CCSER1: variants seen among roughly 807,000 people sequenced by gnomAD.
CCSER1 encodes the protein serine-rich coiled-coil domain-containing protein 1.
In CCSER1, 41 loss-of-function variants were observed where a neutral mutation model predicts 82.0. That is an observed-to-expected ratio of 0.50 (90% CI 0.39 to 0.65). CCSER1 has a LOEUF of 0.65. Among genes scored for constraint, CCSER1 ranks in the 30% least tolerant of loss-of-function variants. The probability of loss-of-function intolerance (pLI) is 0.00; values close to 1 mark genes in which losing one functional copy is unlikely to be tolerated. For missense variants in CCSER1, 1,119 were observed against 1,064.2 expected (o/e 1.05, Z -0.72); for synonymous variants, 414 against 383.9 (o/e 1.08, Z -0.92).
intron 5 of CCSER1, among the ~76,000 whole-genome samples, chr4:90,473,066 C>T (rs1764608438): frequency 6.6e-6 from 1 of 152,110 alleles, no homozygotes; most frequent in Non-Finnish European, 1.5e-5. Flanking sequence ...AACCAAGTAT[C>T]CAGCTACACT....
chr4:90,291,631 A>G (rs888347450), intron 1 of CCSER1, among the ~76,000 whole-genome samples: 17 of 152,054 alleles, frequency 1.1e-4, no homozygotes, highest in Admixed American at 6.6e-5. Flanking sequence ...AACAAAGTTT[A>G]AAGGGTTTTC....
chr4:90,707,266 C>T (rs1669237381), intron 6 of CCSER1, among the ~76,000 whole-genome samples: 1 of 150,626 alleles, frequency 6.6e-6, no homozygotes, highest in South Asian at 2.1e-4. Context: ...TAATCTTGTT[C>T]TCAATCCTAT....
chr4:90,857,026 C>A (rs928130387), intron 8 of CCSER1, among the ~76,000 whole-genome samples: 1 of 151,488 alleles, frequency 6.6e-6, no homozygotes, highest in Admixed American at 6.6e-5. Context: ...TCTTTTACTT[C>A]AATCGCATAT....
chr4:90,329,315 T>C (rs12108481), intron 3 of CCSER1, among the ~76,000 whole-genome samples: 43,097 of 152,016 alleles, frequency 0.28, 6,503 homozygotes, highest in African/African-American at 0.38. Context: ...CATACAGTTG[T>C]CATAGAATCA....
chr4:91,379,473 A>T (rs1416062028), intron 10 of CCSER1, among the ~76,000 whole-genome samples: 1 of 151,966 alleles, frequency 6.6e-6, no homozygotes, highest in Admixed American at 6.6e-5. Context: ...TTCCTGGTTT[A>T]CCCTTGGGAG....
intron 9 of CCSER1, among the ~76,000 whole-genome samples, chr4:90,932,979 A>AAGG (rs1730215960): frequency 5.2e-5 from 2 of 38,674 alleles, no homozygotes; most frequent in Non-Finnish European, 4.7e-5. Flanking sequence ...AGAAAGAAAG[A>AAGG]AAGAGAAAGA....
chr4:90,926,481 T>C (rs1454892332), intron 9 of CCSER1, among the ~76,000 whole-genome samples: 4 of 152,140 alleles, frequency 2.6e-5, no homozygotes, highest in African/African-American at 9.6e-5. Context: ...TTGCTTAAGA[T>C]AAGAAATAGA....
intron 7 of CCSER1, among the ~76,000 whole-genome samples, chr4:90,810,559 G>T (rs890292310): frequency 2.6e-5 from 4 of 151,910 alleles, no homozygotes; most frequent in Non-Finnish European, 2.9e-5. Flanking sequence ...TGAGGCAGGA[G>T]AATTGAACCT....
At chr4:90,371,586 A>G (rs773926738) in intron 3 of CCSER1, among the ~76,000 whole-genome samples, 1 of 152,150 alleles carries the variant, frequency 6.6e-6, no homozygotes, top group African/African-American at 2.4e-5. Flanking sequence ...TAAAGGCACC[A>G]TGGAAACAAA....
chr4:91,118,383 T>C (rs1726814902), intron 10 of CCSER1, among the ~76,000 whole-genome samples: 1 of 151,610 alleles, frequency 6.6e-6, no homozygotes, highest in South Asian at 2.1e-4. Flanking sequence ...CAAGCAATCT[T>C]CACACGTCAG....
At chr4:90,885,800 T>A (rs1328611442) in intron 8 of CCSER1, among the ~76,000 whole-genome samples, 1 of 152,186 alleles carries the variant, frequency 6.6e-6, no homozygotes, top group Non-Finnish European at 1.5e-5. Context: ...TTACAGCAAA[T>A]CTGCCAAATT....
intron 1 of CCSER1, among the ~76,000 whole-genome samples, chr4:90,174,873 G>A (rs577488519): frequency 1.3e-5 from 2 of 152,080 alleles, no homozygotes; most frequent in African/African-American, 4.8e-5. Flanking sequence ...CGAGAATGTG[G>A]AGCAACTGGA....
intron 1 of CCSER1, among the ~76,000 whole-genome samples, chr4:90,196,943 G>C (rs945596956): frequency 6.6e-6 from 1 of 152,002 alleles, no homozygotes; most frequent in Admixed American, 6.6e-5. Context: ...AAATGCAACT[G>C]TGACACTATG....
At chr4:91,205,919 G>A (rs1274309057) in intron 10 of CCSER1, among the ~76,000 whole-genome samples, 7 of 151,806 alleles carry the variant, frequency 4.6e-5, no homozygotes, top group Non-Finnish European at 7.4e-5. Context: ...AAGATCAACA[G>A]GAGCCCTAGC....
chr4:90,406,716 T>C (rs765309739), intron 4 of CCSER1, among the ~76,000 whole-genome samples: 3 of 152,156 alleles, frequency 2.0e-5, no homozygotes, highest in Non-Finnish European at 4.4e-5. Context: ...TTCAAAACCA[T>C]GCAAATACAT....
At chr4:91,189,758 A>G (rs1389217799) in intron 10 of CCSER1, among the ~76,000 whole-genome samples, 1 of 152,162 alleles carries the variant, frequency 6.6e-6, no homozygotes, top group Non-Finnish European at 1.5e-5. Context: ...ATATAACCTT[A>G]CCATTTATAG....
intron 9 of CCSER1, among the ~76,000 whole-genome samples, chr4:91,040,986 CTT>C (rs1000326857): frequency 3.3e-5 from 5 of 152,014 alleles, no homozygotes; most frequent in African/African-American, 1.2e-4. Flanking sequence ...TGTTACAAAT[CTT>C]TATTATTATT....
rs72872983 is a variant in CCSER1 at position 91,189,690 on chromosome 4, A to T, written c.2217+103696A>T. Among the ~76,000 whole-genome samples, 1,328 of 152,094 alleles carry T rather than the reference A, an allele frequency of 8.7e-3. 19 individuals are homozygous for T. Among genetic ancestry groups the T allele is most frequent in the African/African-American group, 0.03 (1,244 of 41,478 alleles). On this transcript the variant is annotated intron_variant, in intron 10 of 10. Transcript: ENST00000509176. ...TTTGTTTTTCTTTTTTCAACTTATA[A>T]TTTGTTTCTTCCCAAAGGATTATAT...
At chr4:91,447,884 A>C (rs1376624616) in intron 10 of CCSER1, among the ~76,000 whole-genome samples, 1 of 152,060 alleles carries the variant, frequency 6.6e-6, no homozygotes, top group Non-Finnish European at 1.5e-5. Flanking sequence ...TTGTGTCTTT[A>C]ATTTTTTCTC....
Sources: allele counts gnomAD v4.1 joint callset (sites outside exome capture counted in the v4.1 genomes callset), GRCh38; gene constraint gnomAD v4.1.1; transcripts MANE v1.5; gene names NCBI Gene and HGNC (gene_info 2026-07-23, HGNC 2026-07-21).